PRKAR1B: variants seen among roughly 807,000 people sequenced by gnomAD.
PRKAR1B encodes cAMP-dependent protein kinase type I-beta regulatory subunit.
PRKAR1B carries 22 observed loss-of-function variants against 46.5 expected under a neutral mutation model. The observed-to-expected ratio is 0.47, with a 90% confidence interval of 0.34 to 0.68. The LOEUF (loss-of-function observed/expected upper bound fraction) is 0.68, where lower values mean the gene tolerates loss of function less well. Ranked by LOEUF, PRKAR1B falls within the 30% of genes least tolerant of loss-of-function variation. The probability of loss-of-function intolerance (pLI) is 0.01; values close to 1 mark genes in which losing one functional copy is unlikely to be tolerated. For synonymous variants in PRKAR1B, 259 were observed against 217.7 expected, an observed-to-expected ratio of 1.19 and a Z score of -1.67; for missense variants, 445 against 535.6, an observed-to-expected ratio of 0.83 and a Z score of 1.67.
chr7:664,067 G>A (rs1466450349), intron 4 of PRKAR1B, among the ~76,000 whole-genome samples: 1 of 152,180 alleles, frequency 6.6e-6, no homozygotes, highest in East Asian at 1.9e-4. Context: ...CATAGGGCCA[G>A]GACCAGCTCG....
intron 2 of PRKAR1B, among the ~76,000 whole-genome samples, chr7:703,553 G>C (rs1296960635): frequency 4.6e-5 from 7 of 152,042 alleles, no homozygotes; most frequent in Non-Finnish European, 8.8e-5. Context: ...CTACTTGGGA[G>C]GCTGAGGCAG....
chr7:727,290 C>T, upstream of PRKAR1B: 4 of 1,305,756 alleles, frequency 3.1e-6, no homozygotes, highest in East Asian at 3.2e-5. Flanking sequence ...GCAGCTGCGC[C>T]GCCGCCCTGG....
At chr7:645,683 G>C (rs1562586143) in intron 4 of PRKAR1B, among the ~76,000 whole-genome samples, 1 of 152,148 alleles carries the variant, frequency 6.6e-6, no homozygotes, top group Non-Finnish European at 1.5e-5. Context: ...AGTGAGACGA[G>C]TTCCAAGCCC....
intron 3 of PRKAR1B, among the ~76,000 whole-genome samples, chr7:678,708 C>T (rs553535270): frequency 3.3e-4 from 51 of 152,252 alleles, no homozygotes; most frequent in Non-Finnish European, 5.9e-4. Flanking sequence ...CTGCGTGTAA[C>T]GCAGAGAGCC....
chr7:600,309 A>G (rs1781516555), intron 6 of PRKAR1B, among the ~76,000 whole-genome samples: 1 of 152,132 alleles, frequency 6.6e-6, no homozygotes, highest in Non-Finnish European at 1.5e-5. Context: ...GTCTGAGACC[A>G]GCCTGGGCAA....
intron 2 of PRKAR1B, chr7:691,939 G>A (rs1183235776): frequency 1.2e-6 from 1 of 839,292 alleles, no homozygotes; most frequent in South Asian, 2.9e-5. Flanking sequence ...TCCATCCCCA[G>A]GCTGAATCAC....
At chr7:603,465 TC>T (rs1428552702) in intron 6 of PRKAR1B, among the ~76,000 whole-genome samples, 1 of 151,930 alleles carries the variant, frequency 6.6e-6, no homozygotes, top group African/African-American at 2.4e-5. Context: ...TTGGTCCCTC[TC>T]CCCCATTAAG....
At chr7:590,871 G>A (rs1324635607) in intron 7 of PRKAR1B, among the ~76,000 whole-genome samples, 3 of 152,078 alleles carry the variant, frequency 2.0e-5, no homozygotes, top group East Asian at 1.9e-4. Context: ...TTTCAGAAAC[G>A]CCGAGCCCAG....
rs374177156 is a variant in PRKAR1B, at chr7:680,607, G to A, written c.297C>T (p.Gly99=). The change falls in exon 3 of 11, where the codon GGC becomes GGT. Residue 99 remains glycine (G), a synonymous_variant. Coordinates refer to ENST00000537384, the MANE Select transcript of PRKAR1B (RefSeq NM_001164760.2). ...CCTCGGTGTACACCTCGGCACTCAC[G>A]CCTCCTCGCCGGCGGCGGGCCTTCA... ...PVVKARRRRG[G]VSAEVYTEED... is the part of the protein sequence containing the mutation. 1.7e-5 allele frequency: 28 copies of A among 1,612,142 alleles called. No individual in the cohort carries two copies. Among genetic ancestry groups the A allele is most frequent in the African/African-American group, 1.5e-4 (11 of 74,872 alleles).
At chr7:710,302 G>A (rs950887137) in intron 2 of PRKAR1B, among the ~76,000 whole-genome samples, 8 of 152,194 alleles carry the variant, frequency 5.3e-5, no homozygotes, top group African/African-American at 1.7e-4. Context: ...AGGACCAAGA[G>A]GAGAAACATT....
chr7:685,260 A>G (rs1478476030), intron 2 of PRKAR1B, among the ~76,000 whole-genome samples: 1 of 104,476 alleles, frequency 9.6e-6, no homozygotes, highest in Non-Finnish European at 1.9e-5. Context: ...TTTTATATAT[A>G]CATATATACG....
intron 2 of PRKAR1B, among the ~76,000 whole-genome samples, chr7:709,351 ATGTG>A (rs1562357838): frequency 1.3e-5 from 2 of 150,240 alleles, no homozygotes; most frequent in Non-Finnish European, 3.0e-5. Context: ...GTGTGTATGC[ATGTG>A]TGTGTGTATG....
At chr7:628,616 T>A (rs1289517038) in intron 4 of PRKAR1B, among the ~76,000 whole-genome samples, 1 of 152,142 alleles carries the variant, frequency 6.6e-6, no homozygotes, top group Non-Finnish European at 1.5e-5. Flanking sequence ...AGCTGGGGGC[T>A]GTCAGGATTG....
intron 6 of PRKAR1B, among the ~76,000 whole-genome samples, chr7:601,564 G>A (rs757295023): frequency 2.0e-4 from 30 of 152,198 alleles, no homozygotes; most frequent in African/African-American, 6.5e-4. Context: ...CCCTGCATGC[G>A]AAGGGCCTCC....
chr7:583,483 A>ACACACCCACTCT (rs1780362077), intron 8 of PRKAR1B, among the ~76,000 whole-genome samples: 1 of 109,776 alleles, frequency 9.1e-6, no homozygotes, highest in African/African-American at 3.1e-5. Context: ...ACACCCACGC[A>ACACACCCACTCT]CACACGTGTG....
At chr7:727,352 A>ACACTCT (rs1453541282), upstream of PRKAR1B, 2 of 973,944 alleles carry the variant, frequency 2.1e-6, no homozygotes, top group Non-Finnish European at 2.4e-6. Flanking sequence ...ACGCCACCCC[A>ACACTCT]CACTCTCACC....
At chr7:703,194 C>T (rs1201773452) in intron 2 of PRKAR1B, among the ~76,000 whole-genome samples, 1 of 152,160 alleles carries the variant, frequency 6.6e-6, no homozygotes, top group African/African-American at 2.4e-5. Context: ...GGTTTATTCA[C>T]ATGAAAACAT....
In PRKAR1B at chr7:585,053, C is replaced by T. The variant is rs745732852; in HGVS notation, c.709-485G>A. On this transcript the variant is annotated intron_variant, in intron 7 of 10. Transcript: ENST00000537384. ...AGCTGCCTCGTTACCCATTAAAAGC[C>T]GATACTTGACTTCCCTCAACCCTGG... Among the ~76,000 whole-genome samples, 36 of 152,170 alleles carry T rather than the reference C, an allele frequency of 2.4e-4. 2 individuals carry two copies. The highest frequency in any genetic ancestry group is 8.7e-4 in the African/African-American group (36 of 41,414).
intron 9 of PRKAR1B, among the ~76,000 whole-genome samples, chr7:553,018 C>G (rs1040695852): frequency 2.0e-5 from 3 of 152,250 alleles, no homozygotes; most frequent in African/African-American, 4.8e-5. Context: ...ATGCAGCCTG[C>G]GGACGGCGGG....
Sources: gnomAD v4.1 joint callset for allele counts (sites outside exome capture counted in the v4.1 genomes callset) on GRCh38, gnomAD v4.1.1 for gene constraint, MANE v1.5 for transcripts, NCBI Gene and HGNC (gene_info 2026-07-23, HGNC 2026-07-21) for gene names.